PSMC5: variants seen among roughly 807,000 people sequenced by gnomAD.
PSMC5 encodes the protein proteasome 26S subunit, ATPase 5, also known as 26S proteasome regulatory subunit 8.
Under a neutral mutation model 49.1 loss-of-function variants are expected in PSMC5, and 11 were observed. The observed-to-expected ratio is 0.22, with a 90% CI of 0.14 to 0.37. PSMC5 has a LOEUF of 0.37. PSMC5 is among the 10% of genes least tolerant of loss of function. The pLI is 1.00. For synonymous variants in PSMC5, 206 were observed against 192.2 expected, an observed-to-expected ratio of 1.07 and a Z score of -0.59; for missense variants, 229 against 520.9, an observed-to-expected ratio of 0.44 and a Z score of 5.45.
rs1002537783 is a variant in PSMC5, at chr17:63,827,455, G to A, written c.-36G>A. ...CGCTTCCGCGCTTGCGCGCCAAGAC[G>A]GCTCGGATGCCGGCGGTCTCTGCTG... On this transcript the variant is annotated 5_prime_UTR_variant, in exon 1 of 12. Transcript: ENST00000310144. 4.5e-6 allele frequency: 7 copies of A among 1,551,634 alleles called. No individual in the cohort carries two copies. Among genetic ancestry groups the A allele is most frequent in the Admixed American group, 3.9e-5 (2 of 50,992 alleles).
chr17:63,827,467 G>A lies in PSMC5; in HGVS notation c.-24G>A, dbSNP rs551848839. 1.9e-6 allele frequency: 3 copies of A among 1,551,714 alleles called. No homozygotes were observed. The highest frequency in any genetic ancestry group is 1.4e-5 in the African/African-American group (1 of 73,184). On this transcript the variant is annotated 5_prime_UTR_variant, in exon 1 of 12. Transcript: ENST00000310144. Reference sequence around the variant, plus strand: ...TGCGCGCCAAGACGGCTCGGATGCCGGCGGTCTCTGCTGAAGAGAGAAGAT... The same window carrying A: ...TGCGCGCCAAGACGGCTCGGATGCCAGCGGTCTCTGCTGAAGAGAGAAGAT...
chr17:63,829,262 C>G, intron 2 of PSMC5: 1 of 481,526 alleles, frequency 2.1e-6, no homozygotes, highest in South Asian at 3.3e-5. Flanking sequence ...GATTCTGTTA[C>G]TCCTGGACCA....
At position 63,830,687 on chromosome 17, in the gene PSMC5, T is replaced by C; in HGVS notation, c.553-122T>C. 2 of 1,400,850 alleles carry C rather than the reference T, an allele frequency of 1.4e-6. No homozygotes were observed. The highest frequency in any genetic ancestry group is 1.9e-6 in the Non-Finnish European group (2 of 1,075,074). The allele number at this position is 1,400,850 out of a possible 1,614,324, so 86.8% of individuals were successfully genotyped here. A position where few individuals can be genotyped will look rare whatever the true frequency, so the allele number is the denominator to read the frequency against. On this transcript the variant is annotated intron_variant, in intron 6 of 11. Coordinates refer to ENST00000310144, the MANE Select transcript of PSMC5 (RefSeq NM_002805.6). This position sits in a 1 kb window ranked among gnomAD's most constrained non-coding sequence, Gnocchi z 4.0. The stretch of plus-strand genomic sequence containing the variant: ...GAGGTGGTTTGGATAGAAGGGACCT[T>C]GATGTTCCTTTTTTTTTTTTGTATC...
Position 63,831,074 on chromosome 17 carries a change from G to A in PSMC5, c.718G>A (p.Glu240Lys). The A allele has an allele frequency of 6.4e-7, 1 of 1,567,102 alleles. No individual in the cohort carries two copies. Among genetic ancestry groups the A allele is most frequent in the South Asian group, 1.2e-5 (1 of 82,620 alleles). ...MVRELFVMAR[E>K]HAPSIIFMDE... ...GAGGGAGCTGTTTGTCATGGCACGG[G>A]AACATGCTCCATCTATCATCTTCAT... Residue 240 changes from glutamate to lysine, a missense_variant, in exon 8 of 12, where the codon GAA (glutamate) becomes AAA (lysine). By Grantham distance (56) the Glu-to-Lys change is moderately conservative (BLOSUM62 1). Around this residue, in one of 4 missense-constraint regions of PSMC5, gnomAD observed 121 missense variants for 330.6 expected, o/e 0.37. Transcript: ENST00000310144. This position sits in a 1 kb window ranked among gnomAD's most constrained non-coding sequence, Gnocchi z 6.3.
rs1315633115 is a variant in PSMC5 at position 63,831,886 on chromosome 17, C to T, written c.1168-30C>T. The T allele has an allele frequency of 2.5e-6, 4 of 1,613,372 alleles. 1 individual carries two copies. In the South Asian group the frequency reaches 4.4e-5, roughly 18 times the overall value. On this transcript the variant is annotated intron_variant, in intron 11 of 11. Coordinates refer to ENST00000310144, the MANE Select transcript of PSMC5 (RefSeq NM_002805.6). This position sits in a 1 kb window ranked among gnomAD's most constrained non-coding sequence, Gnocchi z 6.3. ...GGCTAGGGCATGTGTGTGTTCGTAA[C>T]TTAATGTTCATTCTCTCTCCCACCC... is the stretch of plus-strand genomic sequence containing the variant.
intron 1 of PSMC5, 84 bp from the exon 2 acceptor site, chr17:63,828,054 C>T: frequency 1.3e-6 from 2 of 1,513,182 alleles, no homozygotes; most frequent in Non-Finnish European, 1.8e-6. Context: ...TACCTGGTGT[C>T]AAGCCTTATT....
chr17:63,830,141 T>A lies in PSMC5; in HGVS notation c.273T>A (p.Pro91=). 6.2e-7 allele frequency: 1 copy of A among 1,614,006 alleles called. No homozygotes were observed. ...DKKKVLVKVH[P]EGKFVVDVDK... ...AGCCCTTGTTTCTTTAGGTACATCC[T>A]GAAGGTAAATTTGTTGTAGACGTGG... is the stretch of plus-strand genomic sequence containing the variant. Residue 91 remains proline (P), a synonymous_variant, in exon 5 of 12, where the codon CCT becomes CCA. Transcript: ENST00000310144. The surrounding 1 kb of genome is among the most constrained non-coding windows in gnomAD (Gnocchi z 4.0).
At position 63,831,842 on chromosome 17, in the gene PSMC5, T is replaced by C; in HGVS notation, c.1167+32T>C. ...GCCTCCATCTTTGTGCCTTTGCCAG[T>C]GGTGGCTCTGGGGCAGTGGGCTAGG... On this transcript the variant is annotated intron_variant, in intron 11 of 11. Coordinates refer to ENST00000310144, the MANE Select transcript of PSMC5 (RefSeq NM_002805.6). The surrounding 1 kb of genome is among the most constrained non-coding windows in gnomAD (Gnocchi z 6.3). 4 of 1,613,298 alleles carry C rather than the reference T, an allele frequency of 2.5e-6. No homozygotes were observed. Among genetic ancestry groups the C allele is most frequent in the Non-Finnish European group, 3.4e-6 (4 of 1,179,270 alleles).
At position 63,828,167 on chromosome 17, in the gene PSMC5, C is replaced by T. The variant is rs1294762421; in HGVS notation, c.54C>T (p.Ser18=). Residue 18 remains serine (S), a synonymous_variant, in exon 2 of 12, where the codon AGC becomes AGT. Coordinates refer to ENST00000310144, the MANE Select transcript of PSMC5 (RefSeq NM_002805.6). Reference sequence around the variant, plus strand: ...AGCTGGAGGAGGGGAAGGCAGGCAGCGGACTCCGCCAATATTATCTGTCCA... The same window carrying T: ...AGCTGGAGGAGGGGAAGGCAGGCAGTGGACTCCGCCAATATTATCTGTCCA... ...QMELEEGKAG[S]GLRQYYLSKI... is the part of the protein sequence containing the mutation. 1 of 1,614,066 alleles carries T rather than the reference C, an allele frequency of 6.2e-7. No individual in the cohort carries two copies. The highest frequency in any genetic ancestry group is 2.2e-5 in the East Asian group (1 of 44,878).
intron 3 of PSMC5, 29 bp from the exon 4 acceptor site, chr17:63,829,823 G>T (rs2040160322): frequency 6.2e-7 from 1 of 1,609,826 alleles, no homozygotes; most frequent in South Asian, 1.1e-5. Context: ...GGAGTAGCTA[G>T]GTGACCACTG....
chr17:63,829,769 A>G, intron 3 of PSMC5, 83 bp from the exon 4 acceptor site: 1 of 1,432,132 alleles, frequency 7.0e-7, no homozygotes, highest in Non-Finnish European at 9.8e-7. Context: ...AATAAGAGTG[A>G]TGCTTAGCTC....
At chr17:63,827,658 G>C (rs1260258785) in intron 1 of PSMC5, 144 bp downstream of exon 1, 2 of 1,493,854 alleles carry the variant, frequency 1.3e-6, no homozygotes, top group African/African-American at 2.8e-5. Context: ...GCCTGCGACC[G>C]GATCTGCTGT....
Position 63,830,007 on chromosome 17 carries a change from G to A in PSMC5, c.264+58G>A. On this transcript the variant is annotated intron_variant, in intron 4 of 11. Coordinates refer to ENST00000310144, the MANE Select transcript of PSMC5 (RefSeq NM_002805.6). The surrounding 1 kb of genome is among the most constrained non-coding windows in gnomAD (Gnocchi z 4.0). Reference sequence around the variant, plus strand: ...GTCTCCACTGCATTCCCACCCCTTTGTGTGTAGCCTCGGGAGACAGGGTTC... The same window carrying A: ...GTCTCCACTGCATTCCCACCCCTTTATGTGTAGCCTCGGGAGACAGGGTTC... 2 of 1,570,194 alleles carry A rather than the reference G, an allele frequency of 1.3e-6. No individual in the cohort carries two copies. Among genetic ancestry groups the A allele is most frequent in the South Asian group, 1.2e-5 (1 of 84,326 alleles).
intron 1 of PSMC5, chr17:63,827,884 A>G (rs2040130092): frequency 5.6e-6 from 8 of 1,424,662 alleles, no homozygotes; most frequent in South Asian, 1.5e-5. Context: ...CCCCCCGTCT[A>G]TATCATATCG....
chr17:63,831,988 T>C lies in PSMC5; in HGVS notation c.*19T>C, dbSNP rs761214860. On this transcript the variant is annotated 3_prime_UTR_variant, in exon 12 of 12. Coordinates refer to ENST00000310144, the MANE Select transcript of PSMC5 (RefSeq NM_002805.6). The surrounding 1 kb of genome is among the most constrained non-coding windows in gnomAD (Gnocchi z 6.3). ...GAAGTGAGTGGACAGCCTTTGTGTG[T>C]ATCTCTCCAATAAAGCTCTGTGGGC... The C allele has an allele frequency of 6.2e-7, 1 of 1,610,020 alleles. No individual in the cohort carries two copies.
intron 2 of PSMC5, chr17:63,829,209 G>A: frequency 2.9e-6 from 1 of 341,988 alleles, no homozygotes; most frequent in Non-Finnish European, 5.3e-6. Context: ...CTTCCTGCAA[G>A]AAATTTGGTG....
chr17:63,831,418 A>G lies in PSMC5; in HGVS notation c.962A>G (p.Asn321Ser), dbSNP rs756249254. The change falls in exon 9 of 12, where the codon AAT becomes AGT. Residue 321 changes from asparagine (N) to serine (S), a missense_variant. By Grantham distance (46) the Asn-to-Ser change is conservative. This residue lies in a region of PSMC5 where 121 missense variants were observed against 330.6 expected (regional missense o/e 0.37). Coordinates refer to ENST00000310144, the MANE Select transcript of PSMC5 (RefSeq NM_002805.6). The surrounding 1 kb of genome is among the most constrained non-coding windows in gnomAD (Gnocchi z 6.3). ...IDRKIEFPPPNEEARLDILKI... is the reference protein window; with the variant it reads ...IDRKIEFPPPSEEARLDILKI... ...AGAAAAATTGAATTCCCACCCCCCAATGAGGAGGTTTGTGATGGACACTGT... is the reference window on the plus strand; with the variant it reads ...AGAAAAATTGAATTCCCACCCCCCAGTGAGGAGGTTTGTGATGGACACTGT... 2.5e-5 allele frequency: 41 copies of G among 1,612,238 alleles called. No individual in the cohort carries two copies. The highest frequency in any genetic ancestry group is 7.7e-5 in the South Asian group (7 of 91,044).
Position 63,828,197 on chromosome 17 carries a change from T to G in PSMC5, c.84T>G (p.Ile28Met). The G allele has an allele frequency of 6.2e-7, 1 of 1,614,090 alleles. No individual in the cohort carries two copies. Residue 28 changes from isoleucine (I) to methionine (M), a missense_variant, in exon 2 of 12, where the codon ATT becomes ATG. Coordinates refer to ENST00000310144, the MANE Select transcript of PSMC5 (RefSeq NM_002805.6). ...TCCGCCAATATTATCTGTCCAAGAT[T>G]GAAGAACTCCAGGTGAGGACGGACT... ...SGLRQYYLSK[I>M]EELQLIVNDK...
chr17:63,827,682 T>C, intron 1 of PSMC5, 168 bp downstream of exon 1: 11 of 1,465,318 alleles, frequency 7.5e-6, no homozygotes, highest in Non-Finnish European at 9.0e-6. Context: ...AGCGCCGCCC[T>C]CGGTGAGTCA....
Sources: allele counts gnomAD v4.1 joint callset, GRCh38; gene constraint gnomAD v4.1.1; regional missense constraint gnomAD v4.1.1; non-coding constraint Gnocchi (gnomAD v3.1); transcripts MANE v1.5; gene names NCBI Gene and HGNC (gene_info 2026-07-23, HGNC 2026-07-21).